Variants in PLCE1 observed in about 807,000 individuals in gnomAD.
PLCE1 encodes 1-phosphatidylinositol 4,5-bisphosphate phosphodiesterase epsilon-1.
Under a neutral mutation model 242.8 loss-of-function variants are expected in PLCE1, and 119 were observed. The observed-to-expected ratio is 0.49, with a 90% confidence interval of 0.42 to 0.57. The LOEUF is 0.57. PLCE1 is among the 20% of genes least tolerant of loss of function. The pLI, the probability that PLCE1 is intolerant of heterozygous loss-of-function variation, is 0.00. For missense variants in PLCE1, 2,441 were observed against 2,788.8 expected (o/e 0.88, Z 2.81); for synonymous variants, 945 against 1,017.4 (o/e 0.93, Z 1.35).
chr10:94,059,313 T>C (rs1050876036), intron 2 of PLCE1, among the ~76,000 whole-genome samples: 2 of 152,156 alleles, frequency 1.3e-5, no homozygotes, highest in Non-Finnish European at 2.9e-5. Flanking sequence ...GACTGAGGCC[T>C]TGACAACAAC....
chr10:94,206,924 A>G lies in PLCE1; in HGVS notation c.1810-20382A>G, dbSNP rs117740548. Among the ~76,000 whole-genome samples, 334 of 152,386 alleles carry G rather than the reference A, an allele frequency of 2.2e-3. 1 individual carries two copies. The highest frequency in any genetic ancestry group is 3.9e-3 in the Non-Finnish European group (265 of 68,044). On this transcript the variant is annotated intron_variant, in intron 4 of 32. Coordinates refer to ENST00000371380, the MANE Select transcript of PLCE1 (RefSeq NM_016341.4). ...ACTTTAAAGTACAGCTGTCACATAC[A>G]TGCACACACGTACATACAATATGTT... is the stretch of plus-strand genomic sequence containing the variant.
At position 94,322,030 on chromosome 10, in the gene PLCE1, G is replaced by A. The variant is rs200549010; in HGVS notation, c.6472G>A (p.Val2158Ile). Residue 2158 changes from valine (V) to isoleucine (I), a missense_variant, in exon 30 of 33, where the codon GTC (valine) becomes ATC (isoleucine). Physicochemically the swap from Val to Ile is conservative, Grantham distance 29. Transcript: ENST00000371380. ...QPRTVIKAPR[V>I]STAQDVIQQT... The stretch of plus-strand genomic sequence containing the variant: ...TCGAACAGTCATCAAAGCACCCCGC[G>A]TCAGCACTGCACAGGATGTCATTCA... The A allele has an allele frequency of 9.7e-5, 157 of 1,613,976 alleles. No individual in the cohort carries two copies. The East Asian group carries it at 1.6e-3, about 16-fold the overall frequency.
intron 4 of PLCE1, among the ~76,000 whole-genome samples, chr10:94,171,997 C>A (rs2047997793): frequency 6.6e-6 from 1 of 152,192 alleles, no homozygotes; most frequent in African/African-American, 2.4e-5. Context: ...AGTGAATCAC[C>A]TCGGTTCTCT....
At chr10:94,069,663 CAGAA>C (rs2044297052) in intron 2 of PLCE1, among the ~76,000 whole-genome samples, 1 of 152,072 alleles carries the variant, frequency 6.6e-6, no homozygotes, top group African/African-American at 2.4e-5. Flanking sequence ...AGATATGGAA[CAGAA>C]AGAAAGTTCT....
intron 3 of PLCE1, among the ~76,000 whole-genome samples, chr10:94,134,896 T>G (rs1296124416): frequency 6.6e-6 from 1 of 152,224 alleles, no homozygotes; most frequent in Non-Finnish European, 1.5e-5. Context: ...CTTTTTGCTT[T>G]GAAGCTCTTT....
rs188306771 is a variant in PLCE1, at chr10:94,029,875, A to T, written c.-364-808A>T. Among the ~76,000 whole-genome samples the T allele has an allele frequency of 3.5e-3, 540 of 152,266 alleles. 1 individual carries two copies. The highest frequency in any genetic ancestry group is 0.012 in the African/African-American group (508 of 41,562). ...ACTGCTTCTCCTGGAAGGGAATGAT[A>T]TGCTCATCATGGGCACCTTCTAGTC... On this transcript the variant is annotated intron_variant, in intron 1 of 32. Transcript: ENST00000371380.
At chr10:94,255,451 A>G (rs1048233281) in intron 11 of PLCE1, among the ~76,000 whole-genome samples, 1 of 152,226 alleles carries the variant, frequency 6.6e-6, no homozygotes, top group Non-Finnish European at 1.5e-5. Context: ...TATCCCAAAG[A>G]GTGTAGATAG....
intron 19 of PLCE1, among the ~76,000 whole-genome samples, chr10:94,277,615 G>A (rs180740845): frequency 1.1e-3 from 174 of 152,208 alleles, no homozygotes; most frequent in Non-Finnish European, 1.9e-3. Context: ...AGCCCTTGGC[G>A]TCATCATTCC....
At chr10:94,058,871 A>G (rs2043974496) in intron 2 of PLCE1, among the ~76,000 whole-genome samples, 2 of 152,216 alleles carry the variant, frequency 1.3e-5, no homozygotes, top group Non-Finnish European at 2.9e-5. Flanking sequence ...AACGAAAACC[A>G]TAGCAAAACC....
At chr10:94,145,684 G>A (rs1192032138) in intron 3 of PLCE1, among the ~76,000 whole-genome samples, 1 of 152,036 alleles carries the variant, frequency 6.6e-6, no homozygotes, top group African/African-American at 2.4e-5. Context: ...CCACCTCCAG[G>A]TGGTGTCCTG....
chr10:94,129,961 T>A (rs1428404538), intron 2 of PLCE1, among the ~76,000 whole-genome samples: 1 of 152,172 alleles, frequency 6.6e-6, no homozygotes, highest in Non-Finnish European at 1.5e-5. Flanking sequence ...CTGGCTGTCC[T>A]TATTGCTTGC....
chr10:94,179,512 G>GT (rs1554877545), intron 4 of PLCE1, among the ~76,000 whole-genome samples: 4 of 19,398 alleles, frequency 2.1e-4, no homozygotes, highest in African/African-American at 3.2e-4. Flanking sequence ...TTTTAGTTTA[G>GT]TTTTTTTTTT....
At chr10:94,212,140 G>A (rs1347807604) in intron 4 of PLCE1, among the ~76,000 whole-genome samples, 1 of 152,210 alleles carries the variant, frequency 6.6e-6, no homozygotes, top group South Asian at 2.1e-4. Context: ...GAGTGCAAGT[G>A]CAGTGGCGTG....
intron 2 of PLCE1, among the ~76,000 whole-genome samples, chr10:94,055,317 T>TTTG (rs978681979): frequency 1.7e-5 from 1 of 58,022 alleles, no homozygotes; most frequent in African/African-American, 3.6e-4. Flanking sequence ...TGTTGTCTTA[T>TTTG]TTTTTTTTTT....
chr10:94,326,671 T>C (rs2133936111), intron 32 of PLCE1, among the ~76,000 whole-genome samples: 1 of 152,342 alleles, frequency 6.6e-6, no homozygotes, highest in South Asian at 2.1e-4. Context: ...TAATGAACAT[T>C]GCTAATTGCT....
intron 1 of PLCE1, among the ~76,000 whole-genome samples, chr10:94,003,958 C>T (rs896044446): frequency 2.6e-5 from 4 of 151,982 alleles, no homozygotes; most frequent in Non-Finnish European, 5.9e-5. Flanking sequence ...CCAGCCTGGC[C>T]AAGATGGTGA....
At position 94,030,875 on chromosome 10, in the gene PLCE1, G is replaced by T. The variant is rs2061543940; in HGVS notation, c.-172G>T. The T allele has an allele frequency of 1.5e-6, 1 of 659,110 alleles. No individual in the cohort carries two copies. The highest frequency in any genetic ancestry group is 2.7e-5 in the East Asian group (1 of 36,964). The allele number at this position is 659,110 out of a possible 1,614,324, so 40.8% of individuals were successfully genotyped here. A position where few individuals can be genotyped will look rare whatever the true frequency, so the allele number is the denominator to read the frequency against. ...ATTCATGATAGGAAGTTATAACTAA[G>T]AAAATTTATTTGCCTCTTAATGCTC... is the stretch of plus-strand genomic sequence containing the variant. On this transcript the variant is annotated 5_prime_UTR_variant, in exon 2 of 33. Transcript: ENST00000371380.
chr10:94,109,581 C>G (rs1315805751), intron 2 of PLCE1, among the ~76,000 whole-genome samples: 2 of 152,236 alleles, frequency 1.3e-5, no homozygotes, highest in East Asian at 3.9e-4. Flanking sequence ...GTACTCCAGC[C>G]TGGGTGACAG....
chr10:94,229,788 T>A (rs1462216317), intron 5 of PLCE1, among the ~76,000 whole-genome samples: 1 of 152,188 alleles, frequency 6.6e-6, no homozygotes, highest in Admixed American at 6.5e-5. Flanking sequence ...GTGCATTTTG[T>A]CTCACACCCC....
Sources: gnomAD v4.1 joint callset for allele counts (sites outside exome capture counted in the v4.1 genomes callset) on GRCh38, gnomAD v4.1.1 for gene constraint, MANE v1.5 for transcripts, NCBI Gene and HGNC (gene_info 2026-07-23, HGNC 2026-07-21) for gene names.